The following ETV3 variants were observed in gnomAD, a reference collection of about 807,000 sequenced individuals.
ETV3 encodes the protein ETS translocation variant 3.
Under a neutral mutation model 33.0 loss-of-function variants are expected in ETV3, and 8 were observed. The observed-to-expected ratio is 0.24, with a 90% CI of 0.14 to 0.44. ETV3 has a LOEUF of 0.44. Among genes scored for constraint, ETV3 ranks in the 20% least tolerant of loss-of-function variants. ETV3 has a pLI of 1.00. For missense variants in ETV3, 473 were observed against 652.3 expected, an observed-to-expected ratio of 0.73 and a Z score of 2.99; for synonymous variants, 222 against 238.9, an observed-to-expected ratio of 0.93 and a Z score of 0.65.
At chr1:157,130,196 T>C (rs190734024) in intron 4 of ETV3, among the ~76,000 whole-genome samples, 1 of 152,310 alleles carries the variant, frequency 6.6e-6, no homozygotes, top group African/African-American at 2.4e-5. Context: ...TCTCAGTCTT[T>C]ACATACGTTA....
At chr1:157,135,387 T>G in intron 3 of ETV3, 84 bp downstream of exon 3, 1 of 1,502,576 alleles carries the variant, frequency 6.7e-7, no homozygotes, top group Non-Finnish European at 9.1e-7. Context: ...TTTTATTACC[T>G]GATACCCTTT....
At chr1:157,131,883 G>C (rs1674975264) in intron 4 of ETV3, among the ~76,000 whole-genome samples, 1 of 152,306 alleles carries the variant, frequency 6.6e-6, no homozygotes, top group South Asian at 2.1e-4. Context: ...AATGACACCA[G>C]TTCTTTGCAG....
Position 157,124,412 on chromosome 1 carries a change from A to T in ETV3, c.*429T>A, listed in dbSNP as rs1415673727. The T allele has an allele frequency of 6.4e-6, 1 of 156,750 alleles. No individual in the cohort carries two copies. The highest frequency in any genetic ancestry group is 1.9e-4 in the East Asian group (1 of 5,268). The allele number at this position is 156,750 out of a possible 1,614,324, so 9.7% of individuals were successfully genotyped here. On this transcript the variant is annotated 3_prime_UTR_variant, in exon 5 of 5. Transcript: ENST00000368192. The stretch of plus-strand genomic sequence containing the variant: ...TGGTCTCTTACTGCTCAACCTCCCA[A>T]CCATGCCCTTTTCCCTTTTATGTGT...
At position 157,136,317 on chromosome 1, in the gene ETV3, T is replaced by C. The variant is rs1321395361; in HGVS notation, c.36A>G (p.Glu12=). Residue 12 remains glutamate, a synonymous_variant, in exon 2 of 5, where the codon GAA becomes GAG. Transcript: ENST00000368192. ...KAGCSIVEKP[E]GGGGYQFPDW... ...TTAACTTCTGCTCACCTCCACCTCC[T>C]TCTGGCTTTTCCACGATGCTACAGC... 5 of 1,612,242 alleles carry C rather than the reference T, an allele frequency of 3.1e-6. No individual in the cohort carries two copies. The South Asian group carries it at 5.5e-5, about 18-fold the overall frequency.
At chr1:157,133,621 C>T in intron 4 of ETV3, 1 of 987,250 alleles carries the variant, frequency 1.0e-6, no homozygotes, top group Non-Finnish European at 1.2e-6. Flanking sequence ...ATCAAAGACA[C>T]TGCTTTTCAC....
rs989952726 is a variant in ETV3, at chr1:157,122,690, T to A, written c.*2151A>T. On this transcript the variant is annotated 3_prime_UTR_variant, in exon 5 of 5. Coordinates refer to ENST00000368192, the MANE Select transcript of ETV3 (RefSeq NM_001145312.3). ...GCGGACAGTGGGTGGCCAGCCAGCC[T>A]CCCTGGTTAGATTGGGCAATGCCAA... The A allele has an allele frequency of 2.6e-5, 4 of 152,168 alleles. No homozygotes were observed. The highest frequency in any genetic ancestry group is 9.7e-5 in the African/African-American group (4 of 41,438). 9.4% of individuals were successfully genotyped at this position (152,168 alleles called of 1,614,324 possible).
chr1:157,126,536 T>A (rs1369124218), intron 4 of ETV3, among the ~76,000 whole-genome samples: 1 of 152,156 alleles, frequency 6.6e-6, no homozygotes, highest in Non-Finnish European at 1.5e-5. Flanking sequence ...AGATAGAAAA[T>A]AATAACAACA....
intron 1 of ETV3, among the ~76,000 whole-genome samples, chr1:157,136,663 A>C (rs1296558785): frequency 2.0e-5 from 3 of 152,218 alleles, no homozygotes; most frequent in African/African-American, 7.2e-5. Context: ...AATGTAAAAA[A>C]ATAAAAATAA....
At chr1:157,133,993 G>A (rs1675034126) in intron 4 of ETV3, 119 bp downstream of exon 4, 1 of 1,486,858 alleles carries the variant, frequency 6.7e-7, no homozygotes, top group Non-Finnish European at 8.9e-7. Flanking sequence ...GCAATCCAAA[G>A]GATCACATTA....
chr1:157,126,538 A>G (rs949132637), intron 4 of ETV3, among the ~76,000 whole-genome samples: 1 of 152,278 alleles, frequency 6.6e-6, no homozygotes, highest in Non-Finnish European at 1.5e-5. Context: ...ATAGAAAATA[A>G]TAACAACATA....
intron 4 of ETV3, 137 bp downstream of exon 4, chr1:157,133,975 A>G: frequency 1.4e-6 from 2 of 1,460,634 alleles, no homozygotes; most frequent in South Asian, 1.5e-5. Flanking sequence ...TTGAGTAAGA[A>G]CATTGAGGCA....
In ETV3 at chr1:157,125,028, C is replaced by T; in HGVS notation, c.1352G>A (p.Ser451Asn). The T allele has an allele frequency of 6.4e-7, 1 of 1,551,426 alleles. No individual in the cohort carries two copies. The highest frequency in any genetic ancestry group is 8.7e-7 in the Non-Finnish European group (1 of 1,146,778). ...SGEPLEVTED[S>N]EDRPGKEPSA... is the part of the protein sequence containing the mutation. Reference sequence around the variant, plus strand: ...GGGCTCTTTGCCAGGCCTATCCTCACTGTCTTCAGTCACCTCCAGAGGTTC... The same window carrying T: ...GGGCTCTTTGCCAGGCCTATCCTCATTGTCTTCAGTCACCTCCAGAGGTTC... The change falls in exon 5 of 5, where the codon AGT (serine) becomes AAT (asparagine). Residue 451 changes from serine to asparagine, a missense_variant. Physicochemically the swap from Ser to Asn is conservative, Grantham distance 46. Around this residue, in one of 3 missense-constraint regions of ETV3, gnomAD observed 410 missense variants for 520.2 expected, o/e 0.79. Transcript: ENST00000368192. The surrounding 1 kb of genome is among the most constrained non-coding windows in gnomAD (Gnocchi z 4.0).
rs1263074977 is a variant in ETV3, at chr1:157,134,190, CTTTTG to C, written c.317_321del (p.Thr106ArgfsTer7). On this transcript the variant is annotated frameshift_variant, in exon 4 of 5. Transcript: ENST00000368192. LOFTEE classifies it high-confidence loss of function. ...TTAAATTTATAGGTAAATCTTTTCC[CTTTTG>C]TTTTATGAAGGATCCTCTTGTTGTA... is the stretch of plus-strand genomic sequence containing the variant. The C allele has an allele frequency of 1.2e-6, 2 of 1,613,808 alleles. No individual in the cohort carries two copies. Among genetic ancestry groups the C allele is most frequent in the East Asian group, 2.2e-5 (1 of 44,848 alleles).
chr1:157,137,032 A>AT (rs1675129232), intron 1 of ETV3, among the ~76,000 whole-genome samples: 1 of 152,082 alleles, frequency 6.6e-6, no homozygotes, highest in Non-Finnish European at 1.5e-5. Flanking sequence ...AAAATTATAC[A>AT]TTTTCTCCAT....
At position 157,125,942 on chromosome 1, in the gene ETV3, G is replaced by C; in HGVS notation, c.438C>G (p.Ala146=). 1 of 1,551,522 alleles carries C rather than the reference G, an allele frequency of 6.4e-7. No homozygotes were observed. The highest frequency in any genetic ancestry group is 1.2e-5 in the South Asian group (1 of 84,044). The stretch of plus-strand genomic sequence containing the variant: ...GAGGTGGGAAATGGAACCGGGAAGA[G>C]GCTGTTGGCACTGGTGGTGCACTCT... ...VPQSAPPVPT[A]SSRFHFPPLD... is the part of the protein sequence containing the mutation. The change falls in exon 5 of 5, where the codon GCC becomes GCG. Residue 146 remains alanine (A), a synonymous_variant. Transcript: ENST00000368192. This position sits in a 1 kb window ranked among gnomAD's most constrained non-coding sequence, Gnocchi z 4.0.
chr1:157,136,172 C>T, intron 2 of ETV3, 135 bp downstream of exon 2: 1 of 841,684 alleles, frequency 1.2e-6, no homozygotes, highest in South Asian at 1.4e-5. Context: ...AAGCCTACAA[C>T]TGTCCTGCCA....
intron 3 of ETV3, 175 bp downstream of exon 3, chr1:157,135,296 C>T: frequency 1.3e-6 from 1 of 750,132 alleles, no homozygotes; most frequent in Non-Finnish European, 2.2e-6. Context: ...CTTTTCTCCT[C>T]CTGTGCCTAT....
In ETV3 at chr1:157,125,118, G is replaced by A. The variant is rs1674797567; in HGVS notation, c.1262C>T (p.Thr421Ile). Residue 421 changes from threonine (T) to isoleucine (I), a missense_variant, in exon 5 of 5, where the codon ACC (threonine) becomes ATC (isoleucine). Physicochemically the swap from Thr to Ile is moderately conservative, Grantham distance 89. Around this residue, in one of 3 missense-constraint regions of ETV3, gnomAD observed 410 missense variants for 520.2 expected, o/e 0.79. Coordinates refer to ENST00000368192, the MANE Select transcript of ETV3 (RefSeq NM_001145312.3). This position sits in a 1 kb window ranked among gnomAD's most constrained non-coding sequence, Gnocchi z 4.0. ...TGGTGCAGCAGGACGGGCAAAGATG[G>A]TGCCTTTTTCCTCTTCAATGGTCCT... ...PSRTIEEEKGTIFARPAAPPI... is the reference protein window; with the variant it reads ...PSRTIEEEKGIIFARPAAPPI... 2 of 1,547,520 alleles carry A rather than the reference G, an allele frequency of 1.3e-6. No individual in the cohort carries two copies. The highest frequency in any genetic ancestry group is 1.7e-6 in the Non-Finnish European group (2 of 1,144,712).
chr1:157,131,499 A>G (rs1373025264), intron 4 of ETV3, among the ~76,000 whole-genome samples: 2 of 152,200 alleles, frequency 1.3e-5, no homozygotes, highest in Non-Finnish European at 2.9e-5. Context: ...CGTGAGGTAA[A>G]GAACTCCCAT....
Sources: allele counts gnomAD v4.1 joint callset (sites outside exome capture counted in the v4.1 genomes callset), GRCh38; gene constraint gnomAD v4.1.1; regional missense constraint gnomAD v4.1.1; non-coding constraint Gnocchi (gnomAD v3.1); transcripts MANE v1.5; gene names NCBI Gene and HGNC (gene_info 2026-07-23, HGNC 2026-07-21).